Variants in EYA1 observed in about 807,000 individuals in gnomAD.
EYA1 encodes the protein protein phosphatase EYA1.
Under a neutral mutation model 82.0 loss-of-function variants are expected in EYA1, and 16 were observed. The ratio of observed to expected loss-of-function variants is 0.20; its 90% CI spans 0.13 to 0.30. EYA1 has a LOEUF of 0.30. Among genes scored for constraint, EYA1 ranks in the 10% least tolerant of loss-of-function variants. The probability of loss-of-function intolerance (pLI) is 1.00; values close to 1 mark genes in which losing one functional copy is unlikely to be tolerated. For synonymous variants in EYA1, 261 were observed against 264.4 expected, an observed-to-expected ratio of 0.99 and a Z score of 0.12; for missense variants, 633 against 730.7, an observed-to-expected ratio of 0.87 and a Z score of 1.54.
At chr8:71,541,384 C>T (rs892120282) in intron 1 of EYA1, among the ~76,000 whole-genome samples, 7 of 152,174 alleles carry the variant, frequency 4.6e-5, no homozygotes, top group African/African-American at 1.7e-4. Flanking sequence ...AAAGAATAGA[C>T]AGGCATCAAA....
At chr8:71,334,235 G>A in intron 3 of EYA1, 61 bp from the exon 4 acceptor site, 1 of 1,218,238 alleles carries the variant, frequency 8.2e-7, no homozygotes, top group Non-Finnish European at 1.2e-6. Flanking sequence ...AGACATGGAA[G>A]AGAAGATATA....
Position 71,488,443 on chromosome 8 carries a change from T to A in EYA1, c.33+47301A>T, listed in dbSNP as rs556169972. Among the ~76,000 whole-genome samples the A allele has an allele frequency of 3.9e-5, 6 of 152,318 alleles. No homozygotes were observed. In the East Asian group the frequency reaches 1.2e-3, roughly 29 times the overall value. ...ACAACTGCTAAACATAGAACAGGGA[T>A]GAATCTAGCAGACACTATATTGAGC... is the stretch of plus-strand genomic sequence containing the variant. On this transcript the variant is annotated intron_variant, in intron 2 of 18. Coordinates refer to the EYA1 transcript ENST00000643681.
intron 17 of EYA1, among the ~76,000 whole-genome samples, chr8:71,204,862 C>G (rs1031515256): frequency 1.3e-5 from 2 of 152,152 alleles, no homozygotes; most frequent in Non-Finnish European, 2.9e-5. Context: ...TGCTTGCCCT[C>G]TAGACATAAG....
intron 11 of EYA1, among the ~76,000 whole-genome samples, chr8:71,247,488 G>C (rs576159650): frequency 1.3e-5 from 2 of 152,116 alleles, no homozygotes; most frequent in Non-Finnish European, 2.9e-5. Flanking sequence ...TCTGCTGGGA[G>C]GGACAAAGGA....
chr8:71,406,077 A>G (rs60589584), intron 2 of EYA1, among the ~76,000 whole-genome samples: 7,653 of 152,284 alleles, frequency 0.05, 522 homozygotes, highest in African/African-American at 0.16. Context: ...GTCCAAACTC[A>G]GCAAATTGTA....
chr8:71,305,412 G>A lies in EYA1; in HGVS notation c.557-5692C>T, dbSNP rs746247170. Among the ~76,000 whole-genome samples the A allele has an allele frequency of 3.2e-4, 46 of 141,646 alleles. 7 individuals are homozygous for A. The highest frequency in any genetic ancestry group is 5.9e-4 in the Non-Finnish European group (37 of 62,540). 92.9% of individuals were successfully genotyped at this position (141,646 alleles called of 152,430 possible). ...CTCAATAGAGTTTGGGGTGGGAGTG[G>A]GGATACCTTCTTACTCATTGGTTAA... On this transcript the variant is annotated intron_variant, in intron 7 of 17. Transcript: ENST00000340726.
At chr8:71,430,081 T>A (rs963549849) in intron 2 of EYA1, among the ~76,000 whole-genome samples, 2 of 152,200 alleles carry the variant, frequency 1.3e-5, no homozygotes, top group African/African-American at 4.8e-5. Context: ...AGCCACTGTA[T>A]AAATTTGAAA....
In EYA1 at chr8:71,273,314, C is replaced by G. The variant is rs150979525; in HGVS notation, c.827-1417G>C. Among the ~76,000 whole-genome samples the G allele has an allele frequency of 5.8e-3, 888 of 152,300 alleles. 8 individuals are homozygous for G. The highest frequency in any genetic ancestry group is 0.02 in the African/African-American group (850 of 41,564). ...TTAATGACAATAAGAAAGTCCAAATCAACTCCACCCCATGGGTTAGTTTAT... is the reference window on the plus strand; with the variant it reads ...TTAATGACAATAAGAAAGTCCAAATGAACTCCACCCCATGGGTTAGTTTAT... On this transcript the variant is annotated intron_variant, in intron 9 of 17. Coordinates refer to ENST00000340726, the MANE Select transcript of EYA1 (RefSeq NM_000503.6).
intron 17 of EYA1, among the ~76,000 whole-genome samples, chr8:71,206,979 C>T (rs931442400): frequency 4.0e-4 from 61 of 152,192 alleles, no homozygotes; most frequent in African/African-American, 1.5e-3. Context: ...TGGTCTCAAA[C>T]TCCTGAGCTG....
intron 2 of EYA1, among the ~76,000 whole-genome samples, chr8:71,375,005 G>A (rs970710145): frequency 4.6e-5 from 7 of 152,154 alleles, no homozygotes. Flanking sequence ...AGGAAACAGG[G>A]AGATGTAGGT....
At chr8:71,355,595 T>C (rs751560253) in intron 2 of EYA1, among the ~76,000 whole-genome samples, 102 of 152,280 alleles carry the variant, frequency 6.7e-4, no homozygotes, top group African/African-American at 2.3e-3. Context: ...GTGTGCCCAG[T>C]TGAAAAAGGA....
intron 2 of EYA1, among the ~76,000 whole-genome samples, chr8:71,511,286 C>T (rs1480544414): frequency 6.6e-6 from 1 of 151,956 alleles, no homozygotes; most frequent in Non-Finnish European, 1.5e-5. Flanking sequence ...GCATTGTTAC[C>T]AGATGTGGGT....
intron 1 of EYA1, among the ~76,000 whole-genome samples, chr8:71,537,002 A>G (rs1814758140): frequency 6.6e-6 from 1 of 152,232 alleles, no homozygotes; most frequent in Non-Finnish European, 1.5e-5. Flanking sequence ...TTTGTAATGT[A>G]ATGAGTCTAT....
chr8:71,546,969 T>C (rs1406477483), intron 1 of EYA1, among the ~76,000 whole-genome samples: 2 of 152,198 alleles, frequency 1.3e-5, no homozygotes, highest in East Asian at 3.8e-4. Flanking sequence ...TTAATTACCA[T>C]AAAGAAAACG....
At chr8:71,421,125 G>GA (rs1301107247) in intron 2 of EYA1, among the ~76,000 whole-genome samples, 2 of 152,128 alleles carry the variant, frequency 1.3e-5, no homozygotes, top group Non-Finnish European at 2.9e-5. Context: ...CTGAGCCTAG[G>GA]AAAAACCTTG....
At chr8:71,429,662 A>C (rs571934810) in intron 2 of EYA1, among the ~76,000 whole-genome samples, 2 of 152,256 alleles carry the variant, frequency 1.3e-5, no homozygotes, top group East Asian at 3.9e-4. Context: ...TCCTCAAAAA[A>C]TATGTATTAA....
chr8:71,234,356 A>T (rs190072037), intron 12 of EYA1, among the ~76,000 whole-genome samples: 76 of 152,030 alleles, frequency 5.0e-4, no homozygotes, highest in Non-Finnish European at 9.4e-4. Flanking sequence ...GGAATTCTTG[A>T]TCCTTTCTGT....
chr8:71,350,811 A>C (rs1242453558), intron 3 of EYA1, among the ~76,000 whole-genome samples: 1 of 152,200 alleles, frequency 6.6e-6, no homozygotes, highest in Admixed American at 6.5e-5. Context: ...GACCAATCTT[A>C]AGCTCCCATG....
At chr8:71,470,858 C>T (rs1006444503) in intron 2 of EYA1, 4 of 454,570 alleles carry the variant, frequency 8.8e-6, no homozygotes, top group East Asian at 7.0e-5. Context: ...TCAGATTTAC[C>T]TTTAATTTCT....
Sources: gnomAD v4.1 joint callset for allele counts (sites outside exome capture counted in the v4.1 genomes callset) on GRCh38, gnomAD v4.1.1 for gene constraint, MANE v1.5 for transcripts, NCBI Gene and HGNC (gene_info 2026-07-23, HGNC 2026-07-21) for gene names.